TUBGCP4: variants seen among roughly 807,000 people sequenced by gnomAD.
TUBGCP4 encodes tubulin gamma complex component 4.
TUBGCP4 carries 54 observed loss-of-function variants against 91.6 expected under a neutral mutation model. The ratio of observed to expected loss-of-function variants is 0.59; its 90% CI spans 0.47 to 0.74. The LOEUF (loss-of-function observed/expected upper bound fraction) is 0.74. TUBGCP4 is among the 30% of genes least tolerant of loss of function. The probability of loss-of-function intolerance (pLI) is 0.00; values close to 1 mark genes in which losing one functional copy is unlikely to be tolerated. For synonymous variants in TUBGCP4, 297 were observed against 302.8 expected (o/e 0.98, Z 0.20); for missense variants, 593 against 800.9 (o/e 0.74, Z 3.13).
Position 43,403,757 on chromosome 15 carries a change from A to G in TUBGCP4, c.1806A>G (p.Pro602=). 1 of 1,613,932 alleles carries G rather than the reference A, an allele frequency of 6.2e-7. No individual in the cohort carries two copies. Among genetic ancestry groups the G allele is most frequent in the Non-Finnish European group, 8.5e-7 (1 of 1,180,000 alleles). ...FCSLVSQNLG[P]LDERGAAQLS... ...CGCTGGTCAGTCAGAACCTAGGCCCACTGGATGAGCGTGGAGCCGCCCAGC... is the reference window on the plus strand; with the variant it reads ...CGCTGGTCAGTCAGAACCTAGGCCCGCTGGATGAGCGTGGAGCCGCCCAGC... The change falls in exon 16 of 18, where the codon CCA becomes CCG. Residue 602 remains proline (P), a synonymous_variant. Transcript: ENST00000564079.
intron 15 of TUBGCP4, chr15:43,402,445 T>G (rs1447145976): frequency 1.3e-5 from 2 of 152,446 alleles, no homozygotes. Context: ...CTCAAAATTC[T>G]TGCTGACAAT....
At chr15:43,387,629 T>C (rs1354814212) in intron 9 of TUBGCP4, among the ~76,000 whole-genome samples, 6 of 151,650 alleles carry the variant, frequency 4.0e-5, no homozygotes, top group Non-Finnish European at 8.8e-5. Flanking sequence ...GCCCAGCTAA[T>C]TTTTGTATTT....
intron 5 of TUBGCP4, among the ~76,000 whole-genome samples, chr15:43,379,087 C>T (rs1459395649): frequency 6.6e-6 from 1 of 152,178 alleles, no homozygotes; most frequent in Non-Finnish European, 1.5e-5. Context: ...GAATCTTCCT[C>T]CCTGCCAGAA....
Position 43,408,168 on chromosome 15 carries a change from A to G in TUBGCP4, c.*2954A>G. On this transcript the variant is annotated 3_prime_UTR_variant, in exon 18 of 18. Transcript: ENST00000564079. ...CCTTTCTGCAAAGGGACTCATGTAC[A>G]TCTGAATGCTTTCAAAAATAAATGC... 7.2e-7 allele frequency: 1 copy of G among 1,391,030 alleles called. No individual in the cohort carries two copies. The highest frequency in any genetic ancestry group is 1.3e-5 in the South Asian group (1 of 76,100). 86.2% of individuals were successfully genotyped at this position (1,391,030 alleles called of 1,614,324 possible).
At chr15:43,379,866 G>A (rs1320747649) in intron 5 of TUBGCP4, among the ~76,000 whole-genome samples, 1 of 152,158 alleles carries the variant, frequency 6.6e-6, no homozygotes, top group Non-Finnish European at 1.5e-5. Flanking sequence ...ACTGAGTGCT[G>A]GGTTCTAACC....
intron 17 of TUBGCP4, 195 bp downstream of exon 17, chr15:43,404,747 T>C: frequency 3.1e-6 from 2 of 639,508 alleles, no homozygotes; most frequent in Middle Eastern, 4.4e-4. Context: ...CATCATAAAA[T>C]ACTAAAAAAC....
intron 9 of TUBGCP4, among the ~76,000 whole-genome samples, chr15:43,393,212 CT>C (rs35647356): frequency 0.27 from 37,145 of 139,042 alleles, 7,759 homozygotes; most frequent in African/African-American, 0.59. Flanking sequence ...TTCCCAATGT[CT>C]TTTTTTTTTT....
At chr15:43,372,664 C>T (rs1386183099) in intron 1 of TUBGCP4, among the ~76,000 whole-genome samples, 1 of 152,158 alleles carries the variant, frequency 6.6e-6, no homozygotes, top group Non-Finnish European at 1.5e-5. Flanking sequence ...TTCATCTTTT[C>T]CCTTCCTTTC....
chr15:43,407,597 A>G lies in TUBGCP4; in HGVS notation c.*2383A>G, dbSNP rs112801645. On this transcript the variant is annotated 3_prime_UTR_variant, in exon 18 of 18. Transcript: ENST00000564079. ...TGCAAGGAGCAAGGGAAAGTGAAGA[A>G]GGAAAGGACACTCAACTTAGCCCTC... The G allele has an allele frequency of 2.5e-6, 4 of 1,592,530 alleles. No individual in the cohort carries two copies. The highest frequency in any genetic ancestry group is 2.6e-6 in the Non-Finnish European group (3 of 1,165,902).
intron 3 of TUBGCP4, 40 bp from the exon 4 acceptor site, chr15:43,376,974 A>C: frequency 6.6e-7 from 1 of 1,511,848 alleles, no homozygotes; most frequent in Non-Finnish European, 9.2e-7. Flanking sequence ...GATTTGAGAT[A>C]TTTTGTGTGG....
intron 1 of TUBGCP4, among the ~76,000 whole-genome samples, chr15:43,374,735 T>G (rs1389856689): frequency 6.6e-6 from 1 of 152,204 alleles, no homozygotes; most frequent in African/African-American, 2.4e-5. Flanking sequence ...CCAAGCATTA[T>G]TCACAATCGC....
rs1278605185 is a variant in TUBGCP4, at chr15:43,403,807, T to C, written c.1848+8T>C. 1.2e-5 allele frequency: 19 copies of C among 1,603,826 alleles called. No individual in the cohort carries two copies. Among genetic ancestry groups the C allele is most frequent in the African/African-American group, 2.7e-5 (2 of 74,740 alleles). On this transcript the variant is annotated splice_region_variant and intron_variant, in intron 16 of 17. Transcript: ENST00000564079. Reference sequence around the variant, plus strand: ...CTGAGCATTCTCGTGAAGGTGCGTCTGCCTGGAAGTATGCAGCCTTGCCGA... The same window carrying C: ...CTGAGCATTCTCGTGAAGGTGCGTCCGCCTGGAAGTATGCAGCCTTGCCGA...
chr15:43,377,922 C>A lies in TUBGCP4; in HGVS notation c.441+19C>A. 2 of 1,580,546 alleles carry A rather than the reference C, an allele frequency of 1.3e-6. No individual in the cohort carries two copies. Among genetic ancestry groups the A allele is most frequent in the Non-Finnish European group, 1.7e-6 (2 of 1,164,646 alleles). On this transcript the variant is annotated intron_variant, in intron 5 of 17. Transcript: ENST00000564079. ...TCAAAAGGTGAGAACTTTCCTTATT[C>A]CTTTTGCTTTGCTAAGCACTGAGGG...
intron 9 of TUBGCP4, among the ~76,000 whole-genome samples, chr15:43,392,120 A>AC (rs1555395402): frequency 1.4e-5 from 2 of 146,096 alleles, no homozygotes; most frequent in Non-Finnish European, 3.0e-5. Flanking sequence ...ACACACACAC[A>AC]TATTTTTTTT....
chr15:43,387,917 C>T (rs9806227), intron 9 of TUBGCP4, among the ~76,000 whole-genome samples: 42,206 of 151,934 alleles, frequency 0.28, 9,681 homozygotes, highest in African/African-American at 0.63. Flanking sequence ...GGAGCAGTCG[C>T]GGCTCACTAC....
Position 43,403,891 on chromosome 15 carries a change from G to T in TUBGCP4, c.1848+92G>T, listed in dbSNP as rs190057676. 5.4e-5 allele frequency: 48 copies of T among 887,714 alleles called. No individual in the cohort carries two copies. In the African/African-American group the frequency reaches 7.2e-4, roughly 13 times the overall value. The allele number at this position is 887,714 out of a possible 1,614,324, so 55.0% of individuals were successfully genotyped here. ...ATGATCTTTCCTCTGAGTCAGTAAA[G>T]CATTTCCTCAATACACACACGTACA... On this transcript the variant is annotated intron_variant, in intron 16 of 17. Coordinates refer to ENST00000564079, the MANE Select transcript of TUBGCP4 (RefSeq NM_014444.5).
rs2142918844 is a variant in TUBGCP4 at position 43,406,721 on chromosome 15, G to A, written c.*1507G>A. 4.8e-6 allele frequency: 2 copies of A among 419,046 alleles called. No individual in the cohort carries two copies. The highest frequency in any genetic ancestry group is 1.7e-5 in the South Asian group (1 of 57,218). The allele number at this position is 419,046 out of a possible 1,614,324, so 26.0% of individuals were successfully genotyped here. A position where few individuals can be genotyped will look rare whatever the true frequency, so the allele number is the denominator to read the frequency against. ...ACAATAATAATAATAATAATATTGGGTCTTTGACTAGAACGTGTAACATTT... is the reference window on the plus strand; with the variant it reads ...ACAATAATAATAATAATAATATTGGATCTTTGACTAGAACGTGTAACATTT... On this transcript the variant is annotated 3_prime_UTR_variant, in exon 18 of 18. Transcript: ENST00000564079.
intron 13 of TUBGCP4, 42 bp downstream of exon 13, chr15:43,398,221 T>C (rs1566900577): frequency 6.3e-7 from 1 of 1,589,056 alleles, no homozygotes; most frequent in South Asian, 1.1e-5. Context: ...ATGACCCACC[T>C]TACTTGTAAG....
In TUBGCP4 at chr15:43,406,743, A is replaced by T. The variant is rs2044905390; in HGVS notation, c.*1529A>T. 2 of 391,660 alleles carry T rather than the reference A, an allele frequency of 5.1e-6. No individual in the cohort carries two copies. Among genetic ancestry groups the T allele is most frequent in the Admixed American group, 6.2e-5 (2 of 32,212 alleles). The allele number at this position is 391,660 out of a possible 1,614,324, so 24.3% of individuals were successfully genotyped here. A position where few individuals can be genotyped will look rare whatever the true frequency, so the allele number is the denominator to read the frequency against. On this transcript the variant is annotated 3_prime_UTR_variant, in exon 18 of 18. Transcript: ENST00000564079. The stretch of plus-strand genomic sequence containing the variant: ...TGGGTCTTTGACTAGAACGTGTAAC[A>T]TTTCCAGGTGTTCTCACTTGTGCTT...
Sources: allele counts gnomAD v4.1 joint callset (sites outside exome capture counted in the v4.1 genomes callset), GRCh38; gene constraint gnomAD v4.1.1; transcripts MANE v1.5; gene names NCBI Gene and HGNC (gene_info 2026-07-23, HGNC 2026-07-21).